Variants in DNAH11 observed in about 807,000 individuals in gnomAD.
DNAH11 encodes the protein dynein axonemal heavy chain 11, also known as axonemal beta dynein heavy chain 11.
A neutral mutation model predicts 526.0 loss-of-function variants in DNAH11; 442 were observed. The ratio of observed to expected loss-of-function variants is 0.84; its 90% CI spans 0.78 to 0.91. The LOEUF (loss-of-function observed/expected upper bound fraction) is 0.91. Ranked by LOEUF, DNAH11 falls within the 40% of genes least tolerant of loss-of-function variation. DNAH11 has a pLI of 0.00. For missense variants in DNAH11, 6,989 were observed against 5,448.7 expected (o/e 1.28, Z -8.90); for synonymous variants, 2,461 against 1,935.9 (o/e 1.27, Z -7.12).
intron 9 of DNAH11, among the ~76,000 whole-genome samples, chr7:21,584,304 C>T (rs2128441565): frequency 6.6e-6 from 1 of 152,252 alleles, no homozygotes; most frequent in Middle Eastern, 3.4e-3. Context: ...TGGAAACCAA[C>T]ATTCTCAGCA....
chr7:21,844,559 A>G (rs1241839323), intron 66 of DNAH11, among the ~76,000 whole-genome samples: 3 of 152,236 alleles, frequency 2.0e-5, no homozygotes, highest in Non-Finnish European at 4.4e-5. Context: ...AAAAGTATTT[A>G]TTATCTGGCC....
At chr7:21,681,978 G>A (rs956881665) in intron 31 of DNAH11, among the ~76,000 whole-genome samples, 3 of 152,210 alleles carry the variant, frequency 2.0e-5, no homozygotes, top group Admixed American at 6.5e-5. Flanking sequence ...CTCTGTGTGT[G>A]ACCGTCTTGG....
intron 8 of DNAH11, among the ~76,000 whole-genome samples, chr7:21,574,878 T>C (rs1445329585): frequency 7.7e-6 from 1 of 130,640 alleles, no homozygotes; most frequent in Admixed American, 7.6e-5. Context: ...TTTTTTTTTT[T>C]TTTTTTTTTT....
At chr7:21,645,684 AAAATCAGATATCT>A (rs1277795984) in intron 28 of DNAH11, among the ~76,000 whole-genome samples, 16 of 150,172 alleles carry the variant, frequency 1.1e-4, no homozygotes, top group Admixed American at 4.0e-4. Context: ...ACTATATCTA[AAAATCAGATATCT>A]AAATCAGATA....
chr7:21,877,874 C>CAAAAAAAAA (rs59694030), intron 74 of DNAH11, among the ~76,000 whole-genome samples: 3 of 66,608 alleles, frequency 4.5e-5, no homozygotes, highest in African/African-American at 6.8e-5. Flanking sequence ...GACTCCATCT[C>CAAAAAAAAA]AAAAAAAAAA....
intron 7 of DNAH11, among the ~76,000 whole-genome samples, chr7:21,571,258 G>A (rs1055723861): frequency 6.6e-6 from 1 of 152,038 alleles, no homozygotes; most frequent in African/African-American, 2.4e-5. Context: ...TAAATTAGAG[G>A]TTGCTTCTAC....
chr7:21,621,274 A>G (rs974881995), intron 25 of DNAH11, among the ~76,000 whole-genome samples: 38 of 152,330 alleles, frequency 2.5e-4, no homozygotes, highest in Middle Eastern at 3.4e-3. Context: ...TAAACCAGGA[A>G]GAAGTTGACT....
intron 51 of DNAH11, among the ~76,000 whole-genome samples, chr7:21,746,701 T>G (rs775000871): frequency 1.3e-5 from 2 of 152,202 alleles, no homozygotes; most frequent in Non-Finnish European, 2.9e-5. Flanking sequence ...TCTTAGGCCC[T>G]AGAACCTACA....
intron 2 of DNAH11, among the ~76,000 whole-genome samples, chr7:21,549,663 G>A (rs748345709): frequency 7.9e-5 from 12 of 152,160 alleles, no homozygotes; most frequent in Non-Finnish European, 1.5e-4. Flanking sequence ...AATTCTGGCA[G>A]TTACTTGGTG....
chr7:21,739,820 G>C, intron 48 of DNAH11, 147 bp downstream of exon 48: 1 of 596,206 alleles, frequency 1.7e-6, no homozygotes, highest in South Asian at 2.4e-5. Context: ...ACAGACAGGG[G>C]TTCTAATAAG....
intron 45 of DNAH11, among the ~76,000 whole-genome samples, chr7:21,728,225 C>T (rs905270718): frequency 4.1e-5 from 6 of 146,200 alleles, no homozygotes; most frequent in African/African-American, 1.0e-4. Context: ...CCCATTCCAA[C>T]AGCCCACAAT....
At chr7:21,898,250 TTTCTTCTTC>T (rs768807796) in intron 79 of DNAH11, among the ~76,000 whole-genome samples, 1 of 152,222 alleles carries the variant, frequency 6.6e-6, no homozygotes, top group African/African-American at 2.4e-5. Context: ...GCCTATGCTG[TTTCTTCTTC>T]TTATCGTCGA....
intron 28 of DNAH11, among the ~76,000 whole-genome samples, chr7:21,653,005 T>C (rs1482775960): frequency 6.6e-6 from 1 of 152,118 alleles, no homozygotes; most frequent in East Asian, 1.9e-4. Context: ...GCCTCCCAAG[T>C]AGCTGGTATT....
At chr7:21,666,517 TTTCTC>T (rs1431075354) in intron 30 of DNAH11, among the ~76,000 whole-genome samples, 1 of 151,996 alleles carries the variant, frequency 6.6e-6, no homozygotes, top group Non-Finnish European at 1.5e-5. Flanking sequence ...ATATAAAACT[TTTCTC>T]ATTAACCATC....
At chr7:21,823,857 A>T (rs1339935000) in intron 65 of DNAH11, among the ~76,000 whole-genome samples, 1 of 152,134 alleles carries the variant, frequency 6.6e-6, no homozygotes, top group Admixed American at 6.6e-5. Flanking sequence ...AAAAGCAGGA[A>T]CTCCGAGAGA....
At chr7:21,815,794 A>C (rs184912839) in intron 63 of DNAH11, among the ~76,000 whole-genome samples, 15 of 152,242 alleles carry the variant, frequency 9.9e-5, no homozygotes, top group South Asian at 2.1e-4. Flanking sequence ...TATTGTTGTC[A>C]ATTTTTATAA....
intron 54 of DNAH11, among the ~76,000 whole-genome samples, chr7:21,765,161 A>C (rs973560343): frequency 6.6e-6 from 1 of 152,162 alleles, no homozygotes; most frequent in African/African-American, 2.4e-5. Context: ...TTCCCCTATT[A>C]ATGATAACCA....
At chr7:21,717,709 T>C in intron 42 of DNAH11, 66 bp from the exon 43 acceptor site, 7 of 1,591,530 alleles carry the variant, frequency 4.4e-6, no homozygotes, top group Non-Finnish European at 5.1e-6. Flanking sequence ...AGGAAGCTTT[T>C]GACTTGGTGA....
chr7:21,716,172 T>C (rs912164742), intron 42 of DNAH11, among the ~76,000 whole-genome samples: 4 of 152,050 alleles, frequency 2.6e-5, no homozygotes, highest in Non-Finnish European at 4.4e-5. Context: ...AGAAACTTTG[T>C]TGGAAAGTGG....
Sources: gnomAD v4.1 joint callset for allele counts (sites outside exome capture counted in the v4.1 genomes callset) on GRCh38, gnomAD v4.1.1 for gene constraint, MANE v1.5 for transcripts, NCBI Gene and HGNC (gene_info 2026-07-23, HGNC 2026-07-21) for gene names.